Variants in GPSM2 observed in about 807,000 individuals in gnomAD.
GPSM2 encodes the protein G protein-signaling modulator 2.
GPSM2 carries 58 observed loss-of-function variants against 78.4 expected under a neutral mutation model. The ratio of observed to expected loss-of-function variants is 0.74; its 90% confidence interval spans 0.60 to 0.92. The LOEUF is 0.92. Among genes scored for constraint, GPSM2 ranks in the 40% least tolerant of loss-of-function variants. The probability of loss-of-function intolerance (pLI) is 0.00; values close to 1 mark genes in which losing one functional copy is unlikely to be tolerated. For synonymous variants in GPSM2, 224 were observed against 280.2 expected, an observed-to-expected ratio of 0.80 and a Z score of 2.00; for missense variants, 700 against 815.5, an observed-to-expected ratio of 0.86 and a Z score of 1.73.
chr1:108,894,440 G>A (rs1373432187), intron 2 of GPSM2, among the ~76,000 whole-genome samples: 1 of 152,204 alleles, frequency 6.6e-6, no homozygotes, highest in Admixed American at 6.5e-5. Context: ...GCTCACACCT[G>A]TAATCCCAGC....
intron 8 of GPSM2, among the ~76,000 whole-genome samples, chr1:108,902,603 C>A (rs1012612984): frequency 2.6e-5 from 4 of 152,156 alleles, no homozygotes; most frequent in African/African-American, 9.7e-5. Context: ...GTGGCTAATT[C>A]AGTTTTTTTG....
Position 108,901,906 on chromosome 1 carries a change from A to T in GPSM2, c.914A>T (p.His305Leu). 1 of 1,611,978 alleles carries T rather than the reference A, an allele frequency of 6.2e-7. No homozygotes were observed. The highest frequency in any genetic ancestry group is 8.5e-7 in the Non-Finnish European group (1 of 1,178,026). ...GACTATGAAAAGGCCATTGATTATC[A>T]TCTGAAGCACTTAGCAATTGCTCAA... ...LQDYEKAIDY[H>L]LKHLAIAQEL... Residue 305 changes from histidine to leucine, a missense_variant, in exon 8 of 15, where the codon CAT (histidine) becomes CTT (leucine). Coordinates refer to ENST00000264126, the MANE Select transcript of GPSM2 (RefSeq NM_013296.5).
At chr1:108,912,205 TATTC>T (rs1441013616) in intron 10 of GPSM2, among the ~76,000 whole-genome samples, 14 of 152,158 alleles carry the variant, frequency 9.2e-5, no homozygotes, top group African/African-American at 3.4e-4. Context: ...TTCATGAAGT[TATTC>T]ATAAGTTTAT....
intron 3 of GPSM2, 24 bp from the exon 4 acceptor site, chr1:108,897,468 T>G (rs779757617): frequency 2.1e-5 from 34 of 1,584,018 alleles, no homozygotes; most frequent in Admixed American, 7.2e-5. Context: ...TGGTTTTTTG[T>G]TTTTTGTTTT....
chr1:108,915,905 G>A (rs993340024), intron 11 of GPSM2, among the ~76,000 whole-genome samples: 1 of 151,856 alleles, frequency 6.6e-6, no homozygotes, highest in African/African-American at 2.4e-5. Context: ...ATTTTCATAT[G>A]GATATTATAG....
chr1:108,888,531 G>A (rs750169869), intron 2 of GPSM2, among the ~76,000 whole-genome samples: 8 of 152,104 alleles, frequency 5.3e-5, no homozygotes, highest in Non-Finnish European at 1.0e-4. Context: ...GTGAAGATGC[G>A]ATCTCACTCT....
chr1:108,914,360 C>A lies in GPSM2; in HGVS notation c.1215C>A (p.Arg405=). The A allele has an allele frequency of 1.2e-6, 2 of 1,612,312 alleles. No individual in the cohort carries two copies. The highest frequency in any genetic ancestry group is 1.7e-6 in the Non-Finnish European group (2 of 1,178,762). Reference sequence around the variant, plus strand: ...AAGGTGTACGCCCCAAGTTGGGACGCCGGCATAGTATGGAAAATATGGAAC... The same window carrying A: ...AAGGTGTACGCCCCAAGTTGGGACGACGGCATAGTATGGAAAATATGGAAC... ...SLNGVRPKLG[R]RHSMENMELM... Residue 405 remains arginine, a synonymous_variant, in exon 11 of 15, where the codon CGC becomes CGA. Transcript: ENST00000264126.
intron 2 of GPSM2, among the ~76,000 whole-genome samples, chr1:108,889,199 AG>A (rs1647785316): frequency 6.6e-6 from 1 of 152,204 alleles, no homozygotes. Flanking sequence ...TTTTGCCTCG[AG>A]AGTACACTGA....
chr1:108,884,871 T>C (rs578188920), intron 1 of GPSM2, among the ~76,000 whole-genome samples: 122 of 152,340 alleles, frequency 8.0e-4, no homozygotes, highest in African/African-American at 2.8e-3. Flanking sequence ...CAGTGTGATA[T>C]CTTCTTTGAA....
At chr1:108,902,156 A>C (rs770350970) in intron 8 of GPSM2, among the ~76,000 whole-genome samples, 1 of 152,080 alleles carries the variant, frequency 6.6e-6, no homozygotes, top group African/African-American at 2.4e-5. Context: ...CCCAAGATCA[A>C]TGACTAGGTC....
At chr1:108,911,218 A>G (rs565610791) in intron 10 of GPSM2, among the ~76,000 whole-genome samples, 1 of 152,258 alleles carries the variant, frequency 6.6e-6, no homozygotes, top group East Asian at 1.9e-4. Flanking sequence ...CTTTAAGGCA[A>G]AGGGTCTTAC....
intron 1 of GPSM2, among the ~76,000 whole-genome samples, chr1:108,883,252 C>T (rs1647258429): frequency 1.3e-5 from 2 of 152,168 alleles, no homozygotes; most frequent in Non-Finnish European, 2.9e-5. Context: ...CTCCTTTCAC[C>T]TTCTGCTCTG....
At chr1:108,905,355 T>A (rs1649141568) in intron 10 of GPSM2, among the ~76,000 whole-genome samples, 1 of 152,226 alleles carries the variant, frequency 6.6e-6, no homozygotes, top group Non-Finnish European at 1.5e-5. Flanking sequence ...TTCATTGTCT[T>A]TACTTCCTTG....
chr1:108,892,892 A>C (rs1162364745), intron 2 of GPSM2, among the ~76,000 whole-genome samples: 1 of 152,210 alleles, frequency 6.6e-6, no homozygotes, highest in Non-Finnish European at 1.5e-5. Flanking sequence ...AATTAATCAT[A>C]AACTAGAGTG....
chr1:108,898,854 A>T (rs1192798357), intron 6 of GPSM2, 25 bp from the exon 7 acceptor site: 11 of 1,596,014 alleles, frequency 6.9e-6, no homozygotes, highest in Non-Finnish European at 6.9e-6. Flanking sequence ...TTTTATCTAC[A>T]TCTAATTAAA....
chr1:108,924,217 ATGTC>A lies in GPSM2; in HGVS notation c.1815+7_1815+10del, dbSNP rs751118420. 5 of 1,587,632 alleles carry A rather than the reference ATGTC, an allele frequency of 3.1e-6. No individual in the cohort carries two copies. The highest frequency in any genetic ancestry group is 4.3e-6 in the Non-Finnish European group (5 of 1,155,944). Reference sequence around the variant, plus strand: ...TTGACATCCTTGTAAAATGTCAAGTATGTCTGTATATTTTTTTCGTTCTGCATAC... The same window carrying A: ...TTGACATCCTTGTAAAATGTCAAGTATGTATATTTTTTTCGTTCTGCATAC... On this transcript the variant is annotated splice_donor_5th_base_variant and intron_variant, in intron 14 of 14. Transcript: ENST00000264126.
At position 108,901,868 on chromosome 1, in the gene GPSM2, T is replaced by G. The variant is rs752734117; in HGVS notation, c.876T>G (p.Tyr292Ter). The change falls in exon 8 of 15, where the codon TAT becomes TAG. Residue 292 changes from tyrosine (Y) to a stop codon, truncating the protein, a stop_gained. Coordinates refer to ENST00000264126, the MANE Select transcript of GPSM2 (RefSeq NM_013296.5). LOFTEE classifies it high-confidence loss of function. ...CTTGTTACAGTCTTGGAAATACATA[T>G]ACTTTACTTCAAGACTATGAAAAGG... ...AQSCYSLGNT[Y>*]TLLQDYEKAI... is the part of the protein sequence containing the mutation. The G allele has an allele frequency of 1.9e-6, 3 of 1,611,006 alleles. No homozygotes were observed. The highest frequency in any genetic ancestry group is 1.3e-5 in the African/African-American group (1 of 74,874).
intron 11 of GPSM2, among the ~76,000 whole-genome samples, chr1:108,917,621 T>C (rs1322837384): frequency 0.16 from 1,275 of 8,050 alleles, 11 homozygotes; most frequent in Non-Finnish European, 0.19. Context: ...CATATATATA[T>C]ATATATATAT....
At chr1:108,899,087 T>C in intron 7 of GPSM2, 93 bp downstream of exon 7, 2 of 779,210 alleles carry the variant, frequency 2.6e-6, no homozygotes, top group Admixed American at 4.3e-5. Flanking sequence ...GTAGCAGAAC[T>C]TTTGGCATCT....
Sources: gnomAD v4.1 joint callset for allele counts (sites outside exome capture counted in the v4.1 genomes callset) on GRCh38, gnomAD v4.1.1 for gene constraint, MANE v1.5 for transcripts, NCBI Gene and HGNC (gene_info 2026-07-23, HGNC 2026-07-21) for gene names.